Variants in HPS5 observed in about 807,000 individuals in gnomAD.
The protein encoded by HPS5 is BLOC-2 complex member HPS5.
Under a neutral mutation model 128.0 loss-of-function variants are expected in HPS5, and 83 were observed. That is an observed-to-expected ratio of 0.65 (90% CI 0.54 to 0.78). The LOEUF (loss-of-function observed/expected upper bound fraction) is 0.78, where lower values mean the gene tolerates loss of function less well. Ranked by LOEUF, HPS5 falls within the 30% of genes least tolerant of loss-of-function variation. The pLI is 0.00. For missense variants in HPS5, 1,281 were observed against 1,326.2 expected (o/e 0.97, Z 0.53); for synonymous variants, 475 against 470.2 (o/e 1.01, Z -0.13).
At chr11:18,317,611 CT>C (rs939725748) in intron 2 of HPS5, 139 bp downstream of exon 2, 51 of 829,766 alleles carry the variant, frequency 6.1e-5, no homozygotes, top group Non-Finnish European at 7.3e-5. Context: ...TTATTTTCTT[CT>C]TTTTTTTCCC....
At chr11:18,296,226 A>G (rs1861053631) in intron 12 of HPS5, 104 bp from the exon 13 acceptor site, 2 of 1,182,886 alleles carry the variant, frequency 1.7e-6, no homozygotes, top group Admixed American at 4.0e-5. Flanking sequence ...GAAATGAAGG[A>G]TTCAATACCA....
At position 18,306,177 on chromosome 11, in the gene HPS5, T is replaced by C. The variant is rs948146037; in HGVS notation, c.782A>G (p.Lys261Arg). The change falls in exon 7 of 23, where the codon AAG (lysine) becomes AGG (arginine). Residue 261 changes from lysine to arginine, a missense_variant. By Grantham distance (26) the Lys-to-Arg change is conservative. Coordinates refer to ENST00000349215, the MANE Select transcript of HPS5 (RefSeq NM_181507.2). The part of the protein sequence containing the change: ...DGEVISTHQF[K>R]KLLSLPPLPV... ...GAGAGGTGGCAACGAGAGGAGTTTC[T>C]TGAACTGATGTGTACTTATAACTTC... 29 of 1,613,978 alleles carry C rather than the reference T, an allele frequency of 1.8e-5. No homozygotes were observed. The African/African-American group carries it at 3.6e-4, about 20-fold the overall frequency.
At chr11:18,313,311 C>G (rs1479794595) in intron 2 of HPS5, among the ~76,000 whole-genome samples, 2 of 152,210 alleles carry the variant, frequency 1.3e-5, no homozygotes, top group African/African-American at 4.8e-5. Context: ...CATGCACCCA[C>G]TCTCTGCACC....
chr11:18,294,992 GTA>G (rs954786556), intron 14 of HPS5, 26 bp downstream of exon 14: 1 of 1,612,754 alleles, frequency 6.2e-7, no homozygotes, highest in Non-Finnish European at 8.5e-7. Flanking sequence ...TCCCTAGAAT[GTA>G]TAGAGATTTA....
intron 2 of HPS5, among the ~76,000 whole-genome samples, chr11:18,317,091 G>A (rs1368820076): frequency 6.6e-6 from 1 of 151,860 alleles, no homozygotes; most frequent in Admixed American, 6.6e-5. Flanking sequence ...CTACTTGGGA[G>A]GCTGAGGCAG....
chr11:18,305,389 T>A (rs538145495), intron 8 of HPS5, 33 bp downstream of exon 8: 3 of 1,372,480 alleles, frequency 2.2e-6, no homozygotes, highest in South Asian at 2.3e-5. Flanking sequence ...GTATTCTTTT[T>A]CCCCCCCAGA....
At chr11:18,301,457 A>AT (rs1554939305) in intron 8 of HPS5, among the ~76,000 whole-genome samples, 1 of 149,268 alleles carries the variant, frequency 6.7e-6, no homozygotes, top group Non-Finnish European at 1.5e-5. Flanking sequence ...TCTGTCTCAA[A>AT]AAAAAAAAAA....
intron 2 of HPS5, among the ~76,000 whole-genome samples, chr11:18,316,581 A>C (rs1304505733): frequency 1.3e-5 from 2 of 152,202 alleles, no homozygotes; most frequent in African/African-American, 4.8e-5. Context: ...AAAATAAATC[A>C]AGAAAGAGCT....
intron 22 of HPS5, chr11:18,280,718 G>A (rs1176827727): frequency 5.4e-6 from 3 of 554,298 alleles, no homozygotes; most frequent in Admixed American, 6.4e-5. Flanking sequence ...AAGTAGAAAG[G>A]AAATCCTGAC....
At chr11:18,318,918 T>C (rs771487667) in intron 1 of HPS5, among the ~76,000 whole-genome samples, 28 of 152,030 alleles carry the variant, frequency 1.8e-4, no homozygotes, top group Non-Finnish European at 3.2e-4. Flanking sequence ...CTAACCCTCA[T>C]AGAGCATACT....
chr11:18,294,391 A>G (rs1860806686), intron 14 of HPS5, among the ~76,000 whole-genome samples: 1 of 152,136 alleles, frequency 6.6e-6, no homozygotes, highest in Non-Finnish European at 1.5e-5. Flanking sequence ...AAATAATAGC[A>G]CATTTTGGAT....
Position 18,288,734 on chromosome 11 carries a change from CTGTG to C in HPS5, c.2441-725_2441-722del, listed in dbSNP as rs35752943. 2.9e-3 allele frequency among the ~76,000 whole-genome samples: 440 copies of C among 149,802 alleles called. 3 individuals are homozygous for C. Among genetic ancestry groups the C allele is most frequent in the African/African-American group, 0.01 (424 of 40,942 alleles). On this transcript the variant is annotated intron_variant, in intron 16 of 22. Transcript: ENST00000349215. ...GATCACTGCAACCTTGAACTCCTGG[CTGTG>C]TGTGTGTGTGTGTGTGTGTGCAGCG...
intron 16 of HPS5, among the ~76,000 whole-genome samples, chr11:18,290,995 G>T (rs1474962829): frequency 1.3e-5 from 2 of 152,214 alleles, no homozygotes; most frequent in Non-Finnish European, 2.9e-5. Flanking sequence ...AAGGCAGGTA[G>T]ATCACTTGAG....
chr11:18,316,452 T>C (rs1863640886), intron 2 of HPS5, among the ~76,000 whole-genome samples: 1 of 152,244 alleles, frequency 6.6e-6, no homozygotes, highest in Non-Finnish European at 1.5e-5. Context: ...ACCATTTTAT[T>C]TTCAATCAAA....
chr11:18,282,671 T>C (rs949578849), intron 21 of HPS5, among the ~76,000 whole-genome samples: 5 of 152,158 alleles, frequency 3.3e-5, no homozygotes, highest in Admixed American at 3.3e-4. Flanking sequence ...CCTGTACTCT[T>C]GTGGAGCCTA....
chr11:18,287,445 T>A, intron 18 of HPS5, 90 bp downstream of exon 18: 1 of 1,421,932 alleles, frequency 7.0e-7, no homozygotes, highest in East Asian at 2.3e-5. Context: ...CCTTGGTAAT[T>A]AACAGTACAC....
chr11:18,279,708 TAAAG>T lies in HPS5; in HGVS notation c.*170_*173del. Reference sequence around the variant, plus strand: ...GGTTAAGAAACACTGAGGTCATGGATAAAGAGTCACAGATGCCGATGCCAAGGGT... The same window carrying T: ...GGTTAAGAAACACTGAGGTCATGGATAGTCACAGATGCCGATGCCAAGGGT... On this transcript the variant is annotated 3_prime_UTR_variant, in exon 23 of 23. Coordinates refer to ENST00000349215, the MANE Select transcript of HPS5 (RefSeq NM_181507.2). 2 of 659,856 alleles carry T rather than the reference TAAAG, an allele frequency of 3.0e-6. No homozygotes were observed. The highest frequency in any genetic ancestry group is 2.8e-5 in the East Asian group (1 of 36,332). 40.9% of individuals were successfully genotyped at this position (659,856 alleles called of 1,614,324 possible). A position where few individuals can be genotyped will look rare whatever the true frequency, so the allele number is the denominator to read the frequency against.
chr11:18,295,082 A>T lies in HPS5; in HGVS notation c.1722T>A (p.Gly574=). 1.2e-6 allele frequency: 2 copies of T among 1,613,916 alleles called. No homozygotes were observed. Among genetic ancestry groups the T allele is most frequent in the Non-Finnish European group, 1.7e-6 (2 of 1,179,890 alleles). Residue 574 remains glycine, a synonymous_variant, in exon 14 of 23, where the codon GGT becomes GGA. Transcript: ENST00000349215. The stretch of plus-strand genomic sequence containing the variant: ...CATCCTCTTCACATGATTGCTCATC[A>T]CCCCTGAGCTCTGGTCTCACTTTCA... ...PDLKVRPELR[G]DEQSCEEDVS... is the part of the protein sequence containing the mutation.
At chr11:18,291,406 G>T (rs4757638) in intron 16 of HPS5, 36 bp downstream of exon 16, 9 of 1,368,582 alleles carry the variant, frequency 6.6e-6, no homozygotes, top group South Asian at 1.2e-5. Flanking sequence ...TTTTTAATAC[G>T]AATTTCTATC....
Sources: gnomAD v4.1 joint callset for allele counts (sites outside exome capture counted in the v4.1 genomes callset) on GRCh38, gnomAD v4.1.1 for gene constraint, MANE v1.5 for transcripts, NCBI Gene and HGNC (gene_info 2026-07-23, HGNC 2026-07-21) for gene names.